Variants in FAM81B observed in about 807,000 individuals in gnomAD.
FAM81B encodes family with sequence similarity 81 member B.
A neutral mutation model predicts 58.7 loss-of-function variants in FAM81B; 60 were observed. The ratio of observed to expected loss-of-function variants is 1.02; its 90% CI spans 0.83 to 1.27. The LOEUF is 1.27. Ranked by LOEUF, FAM81B falls within the 50% of genes most tolerant of loss-of-function variation. The pLI is 0.00. For missense variants in FAM81B, 491 were observed against 522.0 expected (o/e 0.94, Z 0.58); for synonymous variants, 189 against 179.6 (o/e 1.05, Z -0.42).
intron 6 of FAM81B, among the ~76,000 whole-genome samples, chr5:95,429,063 T>C (rs1184729135): frequency 6.6e-6 from 1 of 152,192 alleles, no homozygotes; most frequent in African/African-American, 2.4e-5. Context: ...CAAAAGAACT[T>C]CCCATGGAAG....
chr5:95,428,632 G>A lies in FAM81B; in HGVS notation c.686G>A (p.Gly229Glu). 1.9e-6 allele frequency: 3 copies of A among 1,613,906 alleles called. No individual in the cohort carries two copies. The highest frequency in any genetic ancestry group is 2.5e-6 in the Non-Finnish European group (3 of 1,179,840). Reference protein sequence around the residue: ...RCDSSIVKLSGDIHLFRQEHR... With the variant: ...RCDSSIVKLSEDIHLFRQEHR... ...GATTCAAGCATTGTGAAGCTTTCTG[G>A]AGACATTCACTTATTCAGGCAAGAG... Residue 229 changes from glycine to glutamate, a missense_variant, in exon 6 of 10, where the codon GGA (glycine) becomes GAA (glutamate). Coordinates refer to ENST00000283357, the MANE Select transcript of FAM81B (RefSeq NM_152548.3).
chr5:95,426,120 ATATG>A (rs1400477329), intron 5 of FAM81B, among the ~76,000 whole-genome samples: 1,216 of 95,588 alleles, frequency 0.013, 25 homozygotes, highest in East Asian at 0.045. Context: ...ATATATATAT[ATATG>A]TACACATATA....
At chr5:95,437,490 A>C (rs1465165374) in intron 7 of FAM81B, among the ~76,000 whole-genome samples, 1 of 152,140 alleles carries the variant, frequency 6.6e-6, no homozygotes, top group Non-Finnish European at 1.5e-5. Flanking sequence ...GATTACAGGC[A>C]TGTACCACGA....
At chr5:95,424,450 A>T (rs1377524441) in intron 5 of FAM81B, among the ~76,000 whole-genome samples, 4 of 91,858 alleles carry the variant, frequency 4.4e-5, no homozygotes, top group Admixed American at 1.0e-4. Flanking sequence ...AAAGAATTTA[A>T]AAAAAAAAAA....
At chr5:95,401,042 C>A (rs1178558716) in intron 3 of FAM81B, among the ~76,000 whole-genome samples, 2 of 152,008 alleles carry the variant, frequency 1.3e-5, no homozygotes, top group Non-Finnish European at 2.9e-5. Flanking sequence ...TATGCTTCAC[C>A]TGTAAGTATG....
At chr5:95,401,800 G>GCC (rs1762121532) in intron 3 of FAM81B, among the ~76,000 whole-genome samples, 1 of 152,216 alleles carries the variant, frequency 6.6e-6, no homozygotes, top group Non-Finnish European at 1.5e-5. Flanking sequence ...AACAGAACAG[G>GCC]CAGGGAAGTG....
At chr5:95,407,437 A>AC (rs1561294644) in intron 3 of FAM81B, among the ~76,000 whole-genome samples, 15 of 138,498 alleles carry the variant, frequency 1.1e-4, no homozygotes, top group African/African-American at 4.0e-4. Flanking sequence ...CGCGCACACA[A>AC]ACACACACGC....
At position 95,446,568 on chromosome 5, in the gene FAM81B, T is replaced by A; in HGVS notation, c.900T>A (p.His300Gln). 3.2e-6 allele frequency: 5 copies of A among 1,580,758 alleles called. No homozygotes were observed. Among genetic ancestry groups the A allele is most frequent in the Non-Finnish European group, 3.4e-6 (4 of 1,169,456 alleles). ...AAAACATTTTTTCCCATAGATTTCA[T>A]TCACTTTCAAGTAATCTGTACGAAG... ...HEMNLLEFKF[H>Q]SLSSNLYEEV... The change falls in exon 8 of 10, where the codon CAT (histidine) becomes CAA (glutamine). Residue 300 changes from histidine (H) to glutamine (Q), a missense_variant. By Grantham distance (24) the His-to-Gln change is conservative. Coordinates refer to ENST00000283357, the MANE Select transcript of FAM81B (RefSeq NM_152548.3).
At chr5:95,394,743 G>A (rs2152759770) in intron 2 of FAM81B, among the ~76,000 whole-genome samples, 1 of 152,292 alleles carries the variant, frequency 6.6e-6, no homozygotes, top group East Asian at 1.9e-4. Flanking sequence ...CTCGTGAGCA[G>A]CCTCGAGCCT....
chr5:95,419,004 A>G (rs1289099542), intron 4 of FAM81B, among the ~76,000 whole-genome samples: 1 of 152,166 alleles, frequency 6.6e-6, no homozygotes, highest in African/African-American at 2.4e-5. Context: ...ACAGGTAGCT[A>G]TATACCTTTA....
intron 7 of FAM81B, chr5:95,440,593 G>A: frequency 3.1e-6 from 2 of 638,846 alleles, no homozygotes; most frequent in Non-Finnish European, 5.5e-6. Flanking sequence ...GAAGAGCTCA[G>A]AGAGCTACAG....
At chr5:95,435,095 G>A (rs1171340230) in intron 6 of FAM81B, among the ~76,000 whole-genome samples, 2 of 152,142 alleles carry the variant, frequency 1.3e-5, no homozygotes, top group African/African-American at 2.4e-5. Context: ...CAAAAGTCAC[G>A]CATCAAAGGA....
At chr5:95,431,188 A>G (rs1744871025) in intron 6 of FAM81B, among the ~76,000 whole-genome samples, 1 of 151,818 alleles carries the variant, frequency 6.6e-6, no homozygotes, top group African/African-American at 2.4e-5. Flanking sequence ...AGTTGAATTT[A>G]TCAGTTCTTT....
At chr5:95,429,914 C>A (rs1488952490) in intron 6 of FAM81B, among the ~76,000 whole-genome samples, 1 of 152,116 alleles carries the variant, frequency 6.6e-6, no homozygotes, top group African/African-American at 2.4e-5. Flanking sequence ...CTACTTTAAT[C>A]AAATGCCTTT....
At chr5:95,404,425 AAAG>A (rs1240528044) in intron 3 of FAM81B, among the ~76,000 whole-genome samples, 3 of 152,174 alleles carry the variant, frequency 2.0e-5, no homozygotes, top group Admixed American at 6.5e-5. Flanking sequence ...AGGTGATAGA[AAAG>A]AAGAATCTCT....
intron 4 of FAM81B, among the ~76,000 whole-genome samples, chr5:95,414,569 CT>C (rs1271549982): frequency 2.0e-5 from 3 of 152,280 alleles, no homozygotes. Flanking sequence ...CCATTGCAAT[CT>C]GATGCCAGCA....
At position 95,420,269 on chromosome 5, in the gene FAM81B, G is replaced by C; in HGVS notation, c.538-15G>C. 1.9e-6 allele frequency: 3 copies of C among 1,612,856 alleles called. No individual in the cohort carries two copies. Among genetic ancestry groups the C allele is most frequent in the Non-Finnish European group, 2.5e-6 (3 of 1,179,462 alleles). Reference sequence around the variant, plus strand: ...GTGATGGGAAATTAATGGGAAATTTGACTCAAAATTACAGATTTTAGAAGA... The same window carrying C: ...GTGATGGGAAATTAATGGGAAATTTCACTCAAAATTACAGATTTTAGAAGA... On this transcript the variant is annotated splice_polypyrimidine_tract_variant and intron_variant, in intron 4 of 9. Transcript: ENST00000283357.
intron 4 of FAM81B, among the ~76,000 whole-genome samples, chr5:95,416,034 A>G (rs1311925549): frequency 6.6e-6 from 1 of 152,194 alleles, no homozygotes; most frequent in East Asian, 1.9e-4. Context: ...AATACCTACA[A>G]TCCTATTAAG....
intron 4 of FAM81B, among the ~76,000 whole-genome samples, chr5:95,417,244 A>G (rs1231466774): frequency 6.6e-6 from 1 of 152,096 alleles, no homozygotes; most frequent in Non-Finnish European, 1.5e-5. Flanking sequence ...CTTTTTTTCC[A>G]CTTTACCTAT....
Sources: gnomAD v4.1 joint callset for allele counts (sites outside exome capture counted in the v4.1 genomes callset) on GRCh38, gnomAD v4.1.1 for gene constraint, MANE v1.5 for transcripts, NCBI Gene and HGNC (gene_info 2026-07-23, HGNC 2026-07-21) for gene names.